PCSK5: variants seen among roughly 807,000 people sequenced by gnomAD.
PCSK5 encodes proprotein convertase subtilisin/kexin type 5, also known as prohormone convertase 5.
PCSK5 carries 129 observed loss-of-function variants against 233.2 expected under a neutral mutation model. The ratio of observed to expected loss-of-function variants is 0.55; its 90% CI spans 0.48 to 0.64. The LOEUF (loss-of-function observed/expected upper bound fraction) is 0.64. PCSK5 is among the 30% of genes least tolerant of loss of function. The pLI, the probability that PCSK5 is intolerant of heterozygous loss-of-function variation, is 0.00. For synonymous variants in PCSK5, 825 were observed against 879.2 expected (o/e 0.94, Z 1.09); for missense variants, 2,076 against 2,430.1 (o/e 0.85, Z 3.06).
intron 3 of PCSK5, 86 bp downstream of exon 3, chr9:75,986,331 CAG>C: frequency 2.5e-6 from 2 of 787,350 alleles, no homozygotes; most frequent in South Asian, 1.5e-5. Context: ...TGGGAGGACA[CAG>C]AAATACTGAC....
At chr9:76,013,929 C>T (rs1443982853) in intron 3 of PCSK5, among the ~76,000 whole-genome samples, 1 of 150,760 alleles carries the variant, frequency 6.6e-6, no homozygotes, top group Non-Finnish European at 1.5e-5. Context: ...AATTATTTCC[C>T]ATAATTTTTT....
At chr9:75,905,457 G>A (rs1443265105) in intron 1 of PCSK5, among the ~76,000 whole-genome samples, 1 of 152,218 alleles carries the variant, frequency 6.6e-6, no homozygotes, top group Non-Finnish European at 1.5e-5. Context: ...TTTTGAGGAT[G>A]CAGTAAGCGT....
rs565099826 is a variant in PCSK5 at position 76,201,543 on chromosome 9, C to T, written c.2626+11797C>T. 6.6e-5 allele frequency among the ~76,000 whole-genome samples: 10 copies of T among 152,308 alleles called. No homozygotes were observed. The South Asian group carries it at 1.0e-3, about 16-fold the overall frequency. On this transcript the variant is annotated intron_variant, in intron 20 of 37. Coordinates refer to ENST00000674117, the MANE Select transcript of PCSK5 (RefSeq NM_001372043.1). ...GAGGATTCCATCAAAACAAGCTTCA[C>T]GCTATGATTGTGGAGTGTGCGACGG...
chr9:76,203,922 T>C lies in PCSK5; in HGVS notation c.2626+14176T>C, dbSNP rs149968469. On this transcript the variant is annotated intron_variant, in intron 20 of 37. Coordinates refer to ENST00000674117, the MANE Select transcript of PCSK5 (RefSeq NM_001372043.1). ...CTGTCATTTACTAGCTGTGTGATCT[T>C]AGGGAACACATTTAACTTCTCTGTG... Among the ~76,000 whole-genome samples the C allele has an allele frequency of 9.1e-3, 1,383 of 152,290 alleles. 23 individuals carry two copies. The highest frequency in any genetic ancestry group is 0.031 in the African/African-American group (1,285 of 41,564).
At chr9:76,319,607 C>T (rs963789207) in intron 30 of PCSK5, among the ~76,000 whole-genome samples, 3 of 152,094 alleles carry the variant, frequency 2.0e-5, no homozygotes, top group East Asian at 1.9e-4. Flanking sequence ...TCTGGGAAGG[C>T]ACCCGTTACT....
At chr9:75,975,398 A>G (rs544036355) in intron 2 of PCSK5, among the ~76,000 whole-genome samples, 1 of 152,302 alleles carries the variant, frequency 6.6e-6, no homozygotes, top group East Asian at 1.9e-4. Context: ...TGTTATATTG[A>G]GAAGCAAGAT....
At chr9:76,170,902 T>A (rs147108768) in intron 13 of PCSK5, among the ~76,000 whole-genome samples, 12 of 152,326 alleles carry the variant, frequency 7.9e-5, no homozygotes, top group Middle Eastern at 3.4e-3. Flanking sequence ...TTGTTGACTG[T>A]ACATTTTGGT....
At chr9:76,028,567 G>A (rs1164625133) in intron 5 of PCSK5, among the ~76,000 whole-genome samples, 1 of 152,130 alleles carries the variant, frequency 6.6e-6, no homozygotes, top group Non-Finnish European at 1.5e-5. Context: ...ACCGGTCTGG[G>A]TGGTGTCAGC....
intron 5 of PCSK5, among the ~76,000 whole-genome samples, chr9:76,039,170 C>T (rs1828989803): frequency 6.6e-6 from 1 of 152,100 alleles, no homozygotes; most frequent in African/African-American, 2.4e-5. Flanking sequence ...CACTTATGTT[C>T]GTCCCATATT....
chr9:76,210,925 T>C (rs1227426894), intron 20 of PCSK5, among the ~76,000 whole-genome samples: 1 of 152,176 alleles, frequency 6.6e-6, no homozygotes, highest in Admixed American at 6.5e-5. Flanking sequence ...GGATCGGGGA[T>C]GACTCCCTGG....
chr9:76,016,919 A>G (rs1827971084), intron 3 of PCSK5, among the ~76,000 whole-genome samples: 2 of 151,634 alleles, frequency 1.3e-5, no homozygotes, highest in African/African-American at 2.4e-5. Context: ...CTATAAGCAT[A>G]TCTTGTAGAT....
chr9:76,062,097 A>G (rs1830049045), intron 5 of PCSK5, among the ~76,000 whole-genome samples: 2 of 152,094 alleles, frequency 1.3e-5, no homozygotes, highest in South Asian at 2.1e-4. Context: ...AAAATTTAAA[A>G]ATTAGCCTGC....
Position 76,295,348 on chromosome 9 carries a change from A to T in PCSK5, c.3259A>T (p.Ser1087Cys). 6.2e-7 allele frequency: 1 copy of T among 1,612,090 alleles called. No homozygotes were observed. Among genetic ancestry groups the T allele is most frequent in the East Asian group, 2.2e-5 (1 of 44,850 alleles). Reference protein sequence around the residue: ...SEEVECKACDSNCGSCDQNGC... With the variant: ...SEEVECKACDCNCGSCDQNGC... Reference sequence around the variant, plus strand: ...GGAAGTGGAATGCAAGGCGTGTGATAGTAACTGTGGCAGCTGTGACCAGAA... The same window carrying T: ...GGAAGTGGAATGCAAGGCGTGTGATTGTAACTGTGGCAGCTGTGACCAGAA... Residue 1087 changes from serine (S) to cysteine (C), a missense_variant, in exon 26 of 38, where the codon AGT becomes TGT. Coordinates refer to ENST00000674117, the MANE Select transcript of PCSK5 (RefSeq NM_001372043.1).
intron 7 of PCSK5, among the ~76,000 whole-genome samples, chr9:76,092,227 C>T (rs1328126737): frequency 1.3e-5 from 2 of 152,170 alleles, no homozygotes; most frequent in African/African-American, 2.4e-5. Context: ...TAGGACTTTT[C>T]TGCTCTTATA....
intron 1 of PCSK5, among the ~76,000 whole-genome samples, chr9:75,929,195 A>C (rs762316034): frequency 6.6e-6 from 1 of 152,122 alleles, no homozygotes; most frequent in Non-Finnish European, 1.5e-5. Flanking sequence ...AGCCTCCCAA[A>C]GTGATGGGAT....
At chr9:76,340,081 TC>T (rs1257410798) in intron 35 of PCSK5, among the ~76,000 whole-genome samples, 1 of 152,146 alleles carries the variant, frequency 6.6e-6, no homozygotes, top group African/African-American at 2.4e-5. Flanking sequence ...TTGTTAGTCC[TC>T]CCAGGAGTAT....
chr9:76,248,878 C>G (rs1826704152), intron 24 of PCSK5, among the ~76,000 whole-genome samples: 1 of 152,108 alleles, frequency 6.6e-6, no homozygotes, highest in Non-Finnish European at 1.5e-5. Context: ...GTGATCCTCC[C>G]CGCTCAGACT....
At chr9:75,898,786 G>A (rs536706595) in intron 1 of PCSK5, among the ~76,000 whole-genome samples, 2 of 152,244 alleles carry the variant, frequency 1.3e-5, no homozygotes, top group East Asian at 1.9e-4. Context: ...TCTCTGAGAA[G>A]GAGAGACAAC....
intron 20 of PCSK5, among the ~76,000 whole-genome samples, chr9:76,208,481 G>A (rs189027246): frequency 6.6e-6 from 1 of 152,148 alleles, no homozygotes; most frequent in South Asian, 2.1e-4. Flanking sequence ...AATTGTCTGT[G>A]AAGTGGTAGT....
Sources: gnomAD v4.1 joint callset for allele counts (sites outside exome capture counted in the v4.1 genomes callset) on GRCh38, gnomAD v4.1.1 for gene constraint, MANE v1.5 for transcripts, NCBI Gene and HGNC (gene_info 2026-07-23, HGNC 2026-07-21) for gene names.